MYO3B: variants seen among roughly 807,000 people sequenced by gnomAD.
MYO3B encodes myosin IIIB, also known as myosin-IIIb.
Under a neutral mutation model 174.6 loss-of-function variants are expected in MYO3B, and 156 were observed. The ratio of observed to expected loss-of-function variants is 0.89; its 90% CI spans 0.78 to 1.02. The LOEUF is 1.02. MYO3B is among the 50% of genes least tolerant of loss of function. The probability of loss-of-function intolerance (pLI) is 0.00; values close to 1 mark genes in which losing one functional copy is unlikely to be tolerated. For missense variants in MYO3B, 1,632 were observed against 1,639.4 expected (o/e 1.00, Z 0.08); for synonymous variants, 563 against 569.1 (o/e 0.99, Z 0.15).
intron 1 of MYO3B, among the ~76,000 whole-genome samples, chr2:170,179,295 TAGAAG>T (rs750104610): frequency 4.7e-4 from 71 of 152,184 alleles, no homozygotes; most frequent in Non-Finnish European, 9.1e-4. Flanking sequence ...AAAGGCCTCC[TAGAAG>T]AGAAGACATT....
intron 8 of MYO3B, among the ~76,000 whole-genome samples, chr2:170,356,582 G>A (rs1010801805): frequency 6.8e-6 from 1 of 147,436 alleles, no homozygotes; most frequent in African/African-American, 2.5e-5. Flanking sequence ...GGCTGGTCTC[G>A]AACTCCTGAC....
intron 8 of MYO3B, chr2:170,344,397 C>G (rs1159923243): frequency 1.5e-5 from 2 of 137,408 alleles, no homozygotes; most frequent in East Asian, 4.2e-4. Context: ...ATCCAGGAGG[C>G]AGGGGTTGCA....
At chr2:170,556,309 G>A (rs1023337048) in intron 32 of MYO3B, among the ~76,000 whole-genome samples, 4 of 152,122 alleles carry the variant, frequency 2.6e-5, no homozygotes, top group African/African-American at 4.8e-5. Flanking sequence ...TTGTGTTCAG[G>A]TTTTGGTGTG....
rs1221550732 is a variant in MYO3B at position 170,618,788 on chromosome 2, GAAGT to G, written c.3734-32837_3734-32834del. On this transcript the variant is annotated intron_variant, in intron 32 of 34. Coordinates refer to ENST00000408978, the MANE Select transcript of MYO3B (RefSeq NM_138995.5). ...TGAGGTGAGATGGTCACATGGGGAT[GAAGT>G]AATTAACATAACATTTGTATGTAGA... Among the ~76,000 whole-genome samples, 4 of 152,232 alleles carry G rather than the reference GAAGT, an allele frequency of 2.6e-5. No individual in the cohort carries two copies. In the East Asian group the frequency reaches 5.8e-4, roughly 22 times the overall value.
chr2:170,210,988 G>A (rs1574584110), intron 3 of MYO3B, among the ~76,000 whole-genome samples: 2 of 152,172 alleles, frequency 1.3e-5, no homozygotes, highest in Admixed American at 6.5e-5. Flanking sequence ...TCTGGGTGGG[G>A]CCCTTTAAGA....
At chr2:170,385,538 T>C (rs2094367503) in intron 12 of MYO3B, among the ~76,000 whole-genome samples, 1 of 152,138 alleles carries the variant, frequency 6.6e-6, no homozygotes, top group East Asian at 1.9e-4. Flanking sequence ...ATTTCCTTTA[T>C]ACCTAAAGAG....
chr2:170,626,247 G>A (rs544488064), intron 32 of MYO3B, among the ~76,000 whole-genome samples: 1 of 152,182 alleles, frequency 6.6e-6, no homozygotes, highest in Non-Finnish European at 1.5e-5. Context: ...CCTGTACTGG[G>A]TGCATATATA....
chr2:170,565,345 G>A (rs896939271), intron 32 of MYO3B, among the ~76,000 whole-genome samples: 2 of 152,124 alleles, frequency 1.3e-5, no homozygotes, highest in African/African-American at 4.8e-5. Flanking sequence ...TAATATTTTT[G>A]TGAAGTTTGT....
intron 7 of MYO3B, among the ~76,000 whole-genome samples, chr2:170,246,951 G>A (rs1317527408): frequency 6.6e-6 from 1 of 152,148 alleles, no homozygotes; most frequent in African/African-American, 2.4e-5. Flanking sequence ...CCCCCACTAA[G>A]TGGCATTTCT....
intron 16 of MYO3B, among the ~76,000 whole-genome samples, chr2:170,398,403 GT>G (rs1221724772): frequency 3.9e-5 from 6 of 152,030 alleles, no homozygotes; most frequent in Admixed American, 3.9e-4. Flanking sequence ...TCATTTAGGG[GT>G]TTTTACGGAG....
chr2:170,257,585 C>G (rs534853544), intron 7 of MYO3B, among the ~76,000 whole-genome samples: 1 of 151,966 alleles, frequency 6.6e-6, no homozygotes, highest in African/African-American at 2.4e-5. Flanking sequence ...TGCAGCAAAA[C>G]CAGCGTTAAG....
At chr2:170,263,295 G>A (rs1437550627) in intron 7 of MYO3B, among the ~76,000 whole-genome samples, 1 of 152,186 alleles carries the variant, frequency 6.6e-6, no homozygotes, top group Non-Finnish European at 1.5e-5. Context: ...GGTCTTAGAA[G>A]TCTTCATTTG....
intron 32 of MYO3B, among the ~76,000 whole-genome samples, chr2:170,580,318 T>C (rs1693049865): frequency 6.6e-6 from 1 of 152,318 alleles, no homozygotes; most frequent in Non-Finnish European, 1.5e-5. Context: ...ATTTTATATT[T>C]ATAATTTTAT....
intron 7 of MYO3B, among the ~76,000 whole-genome samples, chr2:170,237,462 G>A (rs1481135034): frequency 6.8e-6 from 1 of 147,860 alleles, no homozygotes; most frequent in East Asian, 2.0e-4. Flanking sequence ...TTATGTATTT[G>A]TATACAGACC....
chr2:170,246,046 C>T (rs1198286943), intron 7 of MYO3B, among the ~76,000 whole-genome samples: 2 of 152,206 alleles, frequency 1.3e-5, no homozygotes, highest in African/African-American at 2.4e-5. Flanking sequence ...ATTAATTTTA[C>T]AAATATAATT....
At chr2:170,590,807 C>T (rs1693776613) in intron 32 of MYO3B, among the ~76,000 whole-genome samples, 1 of 152,100 alleles carries the variant, frequency 6.6e-6, no homozygotes, top group Non-Finnish European at 1.5e-5. Context: ...TTGCCTGGAC[C>T]ATGGGTCGTA....
At chr2:170,237,223 G>T (rs1449303937) in intron 7 of MYO3B, among the ~76,000 whole-genome samples, 2 of 152,166 alleles carry the variant, frequency 1.3e-5, no homozygotes, top group Non-Finnish European at 2.9e-5. Flanking sequence ...ATATAAGAAT[G>T]CAGGAGCTAA....
At chr2:170,229,700 G>T (rs1157681667) in intron 6 of MYO3B, among the ~76,000 whole-genome samples, 1 of 152,156 alleles carries the variant, frequency 6.6e-6, no homozygotes, top group Non-Finnish European at 1.5e-5. Flanking sequence ...TTTTATTAGA[G>T]AAACTAGGTT....
intron 30 of MYO3B, among the ~76,000 whole-genome samples, chr2:170,521,943 C>T (rs998982581): frequency 5.5e-4 from 84 of 152,324 alleles, no homozygotes; most frequent in African/African-American, 1.9e-3. Flanking sequence ...GACTCTGCAG[C>T]ATTTAGTTCC....
Sources: allele counts gnomAD v4.1 joint callset (sites outside exome capture counted in the v4.1 genomes callset), GRCh38; gene constraint gnomAD v4.1.1; transcripts MANE v1.5; gene names NCBI Gene and HGNC (gene_info 2026-07-23, HGNC 2026-07-21).